CNTN4: variants seen among roughly 807,000 people sequenced by gnomAD.
CNTN4 encodes contactin-4.
Under a neutral mutation model 122.5 loss-of-function variants are expected in CNTN4, and 77 were observed. That is an observed-to-expected ratio of 0.63 (90% CI 0.52 to 0.76). The LOEUF (loss-of-function observed/expected upper bound fraction) is 0.76. Among genes scored for constraint, CNTN4 ranks in the 30% least tolerant of loss-of-function variants. The pLI is 0.00. For synonymous variants in CNTN4, 512 were observed against 447.0 expected, an observed-to-expected ratio of 1.15 and a Z score of -1.83; for missense variants, 1,256 against 1,259.1, an observed-to-expected ratio of 1.00 and a Z score of 0.04.
intron 6 of CNTN4, among the ~76,000 whole-genome samples, chr3:2,754,589 G>A (rs1394707827): frequency 6.6e-6 from 1 of 152,038 alleles, no homozygotes; most frequent in African/African-American, 2.4e-5. Flanking sequence ...AAGGGGAAGG[G>A]CATAGAAGAT....
intron 2 of CNTN4, among the ~76,000 whole-genome samples, chr3:2,107,486 G>A (rs139094400): frequency 2.2e-4 from 33 of 152,190 alleles, no homozygotes; most frequent in Non-Finnish European, 4.0e-4. Context: ...ATCAGATCTC[G>A]TGAGAATCAT....
At chr3:2,721,851 T>C (rs1013571165) in intron 4 of CNTN4, among the ~76,000 whole-genome samples, 5 of 152,150 alleles carry the variant, frequency 3.3e-5, no homozygotes, top group Non-Finnish European at 5.9e-5. Context: ...ACCCTGAAGG[T>C]TGGGCCTTTG....
intron 3 of CNTN4, among the ~76,000 whole-genome samples, chr3:2,411,622 C>T (rs1347816100): frequency 6.6e-6 from 1 of 152,076 alleles, no homozygotes; most frequent in African/African-American, 2.4e-5. Context: ...ATGGACTAAT[C>T]GCTTCCCTGC....
intron 3 of CNTN4, among the ~76,000 whole-genome samples, chr3:2,532,195 G>A (rs2077621290): frequency 6.6e-6 from 1 of 152,142 alleles, no homozygotes; most frequent in African/African-American, 2.4e-5. Flanking sequence ...AAATAGACTA[G>A]TATTTCTCTA....
chr3:2,800,871 T>G lies in CNTN4; in HGVS notation c.359-18615T>G, dbSNP rs534548157. Reference sequence around the variant, plus strand: ...CTACCTGAATGTTTTCCCGTAAACATTCATCTGGCTAAACCCCTTGCCACC... The same window carrying G: ...CTACCTGAATGTTTTCCCGTAAACAGTCATCTGGCTAAACCCCTTGCCACC... On this transcript the variant is annotated intron_variant, in intron 6 of 24. Coordinates refer to ENST00000418658, the MANE Select transcript of CNTN4 (RefSeq NM_175607.3). 1.4e-3 allele frequency among the ~76,000 whole-genome samples: 215 copies of G among 152,318 alleles called. 2 individuals are homozygous for G. Among genetic ancestry groups the G allele is most frequent in the African/African-American group, 5.0e-3 (206 of 41,578 alleles).
chr3:2,489,064 T>G (rs1313404817), intron 3 of CNTN4, among the ~76,000 whole-genome samples: 4 of 152,176 alleles, frequency 2.6e-5, no homozygotes, highest in African/African-American at 9.7e-5. Context: ...AAATTACTTT[T>G]TTTTCTGTGA....
At position 2,385,894 on chromosome 3, in the gene CNTN4, G is replaced by T. The variant is rs1251583493; in HGVS notation, c.-89+46661G>T. ...GCGACACAATTCAACCCATAACAATGTTCCATCAATATTTGATAAATGAAT... is the reference window on the plus strand; with the variant it reads ...GCGACACAATTCAACCCATAACAATTTTCCATCAATATTTGATAAATGAAT... On this transcript the variant is annotated intron_variant, in intron 3 of 24. Transcript: ENST00000418658. The surrounding 1 kb of genome is among the most constrained non-coding windows in gnomAD (Gnocchi z 4.0). 6.6e-6 allele frequency among the ~76,000 whole-genome samples: 1 copy of T among 151,962 alleles called. No homozygotes were observed. Among genetic ancestry groups the T allele is most frequent in the Non-Finnish European group, 1.5e-5 (1 of 68,004 alleles).
intron 3 of CNTN4, among the ~76,000 whole-genome samples, chr3:2,405,755 G>A (rs1014836487): frequency 6.6e-6 from 1 of 152,076 alleles, no homozygotes; most frequent in African/African-American, 2.4e-5. Context: ...GGGCATGGTG[G>A]CACATGCCTC....
intron 2 of CNTN4, among the ~76,000 whole-genome samples, chr3:2,207,110 T>C: frequency 6.6e-6 from 1 of 152,050 alleles, no homozygotes; most frequent in East Asian, 1.9e-4. Flanking sequence ...ACCAAACTCA[T>C]AAAAGATGGT....
chr3:2,398,920 G>A (rs956758392), intron 3 of CNTN4, among the ~76,000 whole-genome samples: 7 of 152,006 alleles, frequency 4.6e-5, no homozygotes, highest in South Asian at 2.1e-4. Context: ...AGGCTCAGGC[G>A]TTTCCATATA....
intron 6 of CNTN4, among the ~76,000 whole-genome samples, chr3:2,761,319 C>T (rs2090578485): frequency 6.6e-6 from 1 of 152,042 alleles, no homozygotes; most frequent in Non-Finnish European, 1.5e-5. Flanking sequence ...GTTTCTATAC[C>T]CCTCTGAATT....
At chr3:3,006,449 C>T (rs1394208989) in intron 14 of CNTN4, among the ~76,000 whole-genome samples, 2 of 152,146 alleles carry the variant, frequency 1.3e-5, no homozygotes, top group Non-Finnish European at 2.9e-5. Flanking sequence ...ATAAATTGCC[C>T]CAACTAGAAG....
Position 2,909,724 on chromosome 3 carries a change from C to T in CNTN4, c.1207+6719C>T, listed in dbSNP as rs77677768. ...TGAATTTTCCTAAAATATTGATTATCAGGCTTTATCGTGCATCACAGTAAT... is the reference window on the plus strand; with the variant it reads ...TGAATTTTCCTAAAATATTGATTATTAGGCTTTATCGTGCATCACAGTAAT... On this transcript the variant is annotated intron_variant, in intron 12 of 24. Coordinates refer to ENST00000418658, the MANE Select transcript of CNTN4 (RefSeq NM_175607.3). Among the ~76,000 whole-genome samples, 1,063 of 152,304 alleles carry T rather than the reference C, an allele frequency of 7.0e-3. 16 individuals carry two copies. Among genetic ancestry groups the T allele is most frequent in the African/African-American group, 0.024 (979 of 41,562 alleles).
chr3:2,888,883 G>C (rs2094006908), intron 10 of CNTN4, among the ~76,000 whole-genome samples: 1 of 151,994 alleles, frequency 6.6e-6, no homozygotes, highest in African/African-American at 2.4e-5. Context: ...ACAAATTCCT[G>C]TTTGTTCCCT....
chr3:2,655,480 T>C (rs1559352057), intron 4 of CNTN4, among the ~76,000 whole-genome samples: 1 of 152,192 alleles, frequency 6.6e-6, no homozygotes, highest in East Asian at 1.9e-4. Context: ...TGATTTCGGT[T>C]TACTGTACTG....
chr3:2,916,601 T>C (rs1202436091), intron 12 of CNTN4, among the ~76,000 whole-genome samples: 5 of 125,122 alleles, frequency 4.0e-5, no homozygotes, highest in Non-Finnish European at 8.6e-5. Flanking sequence ...TGTCTACTTC[T>C]TTCTACACAG....
intron 4 of CNTN4, among the ~76,000 whole-genome samples, chr3:2,698,940 T>C (rs570643563): frequency 0.039 from 5,959 of 152,048 alleles, 401 homozygotes; most frequent in African/African-American, 0.13. Context: ...GGAGAATTGC[T>C]GGAACCCGGG....
intron 2 of CNTN4, among the ~76,000 whole-genome samples, chr3:2,240,744 T>A (rs573487015): frequency 6.6e-6 from 1 of 152,192 alleles, no homozygotes; most frequent in South Asian, 2.1e-4. Context: ...ACATCATTTT[T>A]AAAATTTAGT....
At chr3:2,751,257 G>A (rs906899555) in intron 6 of CNTN4, among the ~76,000 whole-genome samples, 7 of 151,774 alleles carry the variant, frequency 4.6e-5, no homozygotes, top group African/African-American at 1.2e-4. Flanking sequence ...GCTGTGAGCC[G>A]AGATCACACC....
Sources: gnomAD v4.1 joint callset for allele counts (sites outside exome capture counted in the v4.1 genomes callset) on GRCh38, gnomAD v4.1.1 for gene constraint, Gnocchi (gnomAD v3.1) non-coding constraint, MANE v1.5 for transcripts, NCBI Gene and HGNC (gene_info 2026-07-23, HGNC 2026-07-21) for gene names.